RREB1: variants seen among roughly 807,000 people sequenced by gnomAD.
RREB1 encodes ras responsive element binding protein 1.
In RREB1, 27 loss-of-function variants were observed where a neutral mutation model predicts 117.8. The ratio of observed to expected loss-of-function variants is 0.23; its 90% CI spans 0.17 to 0.32. The LOEUF (loss-of-function observed/expected upper bound fraction) is 0.32. Ranked by LOEUF, RREB1 falls within the 10% of genes least tolerant of loss-of-function variation. The probability of loss-of-function intolerance (pLI) is 1.00; values close to 1 mark genes in which losing one functional copy is unlikely to be tolerated. For missense variants in RREB1, 2,577 were observed against 2,378.2 expected (o/e 1.08, Z -1.74); for synonymous variants, 1,298 against 1,026.7 (o/e 1.26, Z -5.05).
chr6:7,174,058 C>A (rs1764372868), intron 1 of RREB1, among the ~76,000 whole-genome samples: 2 of 152,060 alleles, frequency 1.3e-5, no homozygotes, highest in East Asian at 3.9e-4. Flanking sequence ...GAGTGCAAAT[C>A]CAGAAATTCA....
In RREB1 at chr6:7,251,773, T is replaced by C. The variant is rs1187630142; in HGVS notation, c.*2805T>C. The C allele has an allele frequency of 1.3e-5, 2 of 152,186 alleles. No individual in the cohort carries two copies. The highest frequency in any genetic ancestry group is 2.9e-5 in the Non-Finnish European group (2 of 68,028). The allele number at this position is 152,186 out of a possible 1,614,324, so 9.4% of individuals were successfully genotyped here. A position where few individuals can be genotyped will look rare whatever the true frequency, so the allele number is the denominator to read the frequency against. On this transcript the variant is annotated 3_prime_UTR_variant, in exon 13 of 13. Coordinates refer to ENST00000379938, the MANE Select transcript of RREB1 (RefSeq NM_001003699.4). ...AACAATAATAAATTTGTAGAATTCA[T>C]ATTTTTCTAAAGGGAACTTAAAAAC...
chr6:7,210,998 G>A, intron 7 of RREB1, 50 bp downstream of exon 7: 1 of 1,555,004 alleles, frequency 6.4e-7, no homozygotes, highest in Non-Finnish European at 8.8e-7. Flanking sequence ...ACTTCTGTCA[G>A]AAATACCACT....
chr6:7,198,366 A>G (rs1041258541), intron 6 of RREB1, among the ~76,000 whole-genome samples: 1 of 152,228 alleles, frequency 6.6e-6, no homozygotes, highest in African/African-American at 2.4e-5. Context: ...GACTGTGTGA[A>G]TGTTTTGTTT....
At chr6:7,161,069 G>A (rs747345327) in intron 1 of RREB1, among the ~76,000 whole-genome samples, 27 of 152,238 alleles carry the variant, frequency 1.8e-4, no homozygotes, top group Non-Finnish European at 2.1e-4. Context: ...GGGCCAAACC[G>A]ATCCTCTCGC....
rs1433019437 is a variant in RREB1, at chr6:7,182,018, G to C, written c.107G>C (p.Ser36Thr). Residue 36 changes from serine to threonine, a missense_variant, in exon 4 of 13, where the codon AGC (serine) becomes ACC (threonine). Transcript: ENST00000379938. ...SVGKVTENGG[S>T]PQGIKSPSKP... Reference sequence around the variant, plus strand: ...GGGAAGGTCACAGAGAATGGCGGGAGCCCCCAGGGGATCAAGTCCCCCTCG... The same window carrying C: ...GGGAAGGTCACAGAGAATGGCGGGACCCCCCAGGGGATCAAGTCCCCCTCG... The C allele has an allele frequency of 6.2e-7, 1 of 1,614,048 alleles. No individual in the cohort carries two copies. Among genetic ancestry groups the C allele is most frequent in the Admixed American group, 1.7e-5 (1 of 60,008 alleles).
chr6:7,163,255 A>G (rs933835725), intron 1 of RREB1, among the ~76,000 whole-genome samples: 9 of 152,112 alleles, frequency 5.9e-5, no homozygotes, highest in African/African-American at 2.2e-4. Context: ...TTTACCCCTT[A>G]GGAAAATTCT....
At position 7,160,366 on chromosome 6, in the gene RREB1, A is replaced by T. The variant is rs549323812; in HGVS notation, c.-284-16289A>T. The stretch of plus-strand genomic sequence containing the variant: ...AAAATAGTGACATCAAATTATACTT[A>T]AAAAAGCACTGTATTCTCATGATAC... On this transcript the variant is annotated intron_variant, in intron 1 of 12. Coordinates refer to ENST00000379938, the MANE Select transcript of RREB1 (RefSeq NM_001003699.4). 6.6e-5 allele frequency among the ~76,000 whole-genome samples: 10 copies of T among 152,338 alleles called. No homozygotes were observed. The South Asian group carries it at 2.1e-3, about 32-fold the overall frequency.
intron 12 of RREB1, among the ~76,000 whole-genome samples, chr6:7,247,851 T>C (rs762473060): frequency 5.3e-5 from 8 of 152,212 alleles, no homozygotes; most frequent in Non-Finnish European, 1.0e-4. Context: ...TCCAGAGATA[T>C]ATCCTTCTTC....
At chr6:7,188,235 G>A (rs1340572078) in intron 5 of RREB1, among the ~76,000 whole-genome samples, 2 of 110,864 alleles carry the variant, frequency 1.8e-5, no homozygotes, top group Non-Finnish European at 4.0e-5. Flanking sequence ...ACGTGTGTGT[G>A]TGTGTGTGTG....
chr6:7,192,116 ATTTTTTTTTTTTTTT>A (rs34074532), intron 6 of RREB1, among the ~76,000 whole-genome samples: 1 of 15,296 alleles, frequency 6.5e-5, no homozygotes, highest in Non-Finnish European at 1.1e-4. Flanking sequence ...TTGTCAGATG[ATTTTTTTTTTTTTTT>A]TTTTTTTTTT....
At chr6:7,129,351 TTTC>T (rs749531558) in intron 1 of RREB1, among the ~76,000 whole-genome samples, 9 of 152,172 alleles carry the variant, frequency 5.9e-5, no homozygotes, top group Non-Finnish European at 1.2e-4. Flanking sequence ...GATTTGACCT[TTTC>T]TTCTTAATTT....
rs574407298 is a variant in RREB1 at position 7,168,889 on chromosome 6, T to C, written c.-284-7766T>C. On this transcript the variant is annotated intron_variant, in intron 1 of 12. Coordinates refer to ENST00000379938, the MANE Select transcript of RREB1 (RefSeq NM_001003699.4). ...TCCTGGCTCCGCCCTTTAAGAGCTG[T>C]GCTATATCTAGCAAATAACCTAATC... Among the ~76,000 whole-genome samples, 4 of 151,414 alleles carry C rather than the reference T, an allele frequency of 2.6e-5. No homozygotes were observed. The South Asian group carries it at 8.3e-4, about 31-fold the overall frequency.
intron 1 of RREB1, among the ~76,000 whole-genome samples, chr6:7,144,446 A>C (rs1762769348): frequency 6.6e-6 from 1 of 152,240 alleles, no homozygotes; most frequent in South Asian, 2.1e-4. Flanking sequence ...TTTATAAGTA[A>C]CTGTTTAATT....
intron 1 of RREB1, among the ~76,000 whole-genome samples, chr6:7,149,709 CAG>C (rs1415836723): frequency 1.3e-5 from 2 of 152,178 alleles, no homozygotes; most frequent in South Asian, 2.1e-4. Context: ...TTTGTTGAGA[CAG>C]AGTTTCGCTC....
chr6:7,248,412 C>A, intron 12 of RREB1, 99 bp from the exon 13 acceptor site: 1 of 1,035,294 alleles, frequency 9.7e-7, no homozygotes, highest in Non-Finnish European at 1.4e-6. Context: ...CCTGGCCCCC[C>A]GCACATAGCC....
At chr6:7,246,363 C>A (rs1044595622) in intron 11 of RREB1, 61 bp from the exon 12 acceptor site, 6 of 1,392,000 alleles carry the variant, frequency 4.3e-6, no homozygotes, top group Non-Finnish European at 5.6e-6. Context: ...CGGCGACATC[C>A]CTGGCATGGG....
At chr6:7,110,231 T>C (rs1761070185) in intron 1 of RREB1, among the ~76,000 whole-genome samples, 1 of 152,214 alleles carries the variant, frequency 6.6e-6, no homozygotes, top group East Asian at 1.9e-4. Flanking sequence ...TTTAGTTTTG[T>C]TTTTTCACAC....
intron 1 of RREB1, among the ~76,000 whole-genome samples, chr6:7,162,912 G>A (rs9505052): frequency 0.077 from 11,714 of 151,492 alleles, 583 homozygotes; most frequent in African/African-American, 0.13. Flanking sequence ...GCAGTGTCAC[G>A]GTCAGTGCTC....
chr6:7,209,679 C>T (rs1277293308), intron 6 of RREB1, among the ~76,000 whole-genome samples: 2 of 151,338 alleles, frequency 1.3e-5, no homozygotes, highest in South Asian at 2.1e-4. Flanking sequence ...GAGCCAATAC[C>T]GTGCCACTGC....
Sources: gnomAD v4.1 joint callset for allele counts (sites outside exome capture counted in the v4.1 genomes callset) on GRCh38, gnomAD v4.1.1 for gene constraint, MANE v1.5 for transcripts, NCBI Gene and HGNC (gene_info 2026-07-23, HGNC 2026-07-21) for gene names.